CCSER1: variants seen among roughly 807,000 people sequenced by gnomAD.
The protein encoded by CCSER1 is serine-rich coiled-coil domain-containing protein 1.
CCSER1 carries 41 observed loss-of-function variants against 82.0 expected under a neutral mutation model. That is an observed-to-expected ratio of 0.50 (90% CI 0.39 to 0.65). The LOEUF (loss-of-function observed/expected upper bound fraction) is 0.65, where lower values mean the gene tolerates loss of function less well. Ranked by LOEUF, CCSER1 falls within the 30% of genes least tolerant of loss-of-function variation. CCSER1 has a pLI of 0.00. For missense variants in CCSER1, 1,119 were observed against 1,064.2 expected, an observed-to-expected ratio of 1.05 and a Z score of -0.72; for synonymous variants, 414 against 383.9, an observed-to-expected ratio of 1.08 and a Z score of -0.92.
intron 8 of CCSER1, among the ~76,000 whole-genome samples, chr4:90,903,188 A>G (rs1724923499): frequency 6.6e-6 from 1 of 152,200 alleles, no homozygotes; most frequent in African/African-American, 2.4e-5. Context: ...CTTGAATTGT[A>G]TCTCCCAGAA....
chr4:91,565,124 C>G (rs1478302393), intron 10 of CCSER1, among the ~76,000 whole-genome samples: 1 of 149,222 alleles, frequency 6.7e-6, no homozygotes, highest in Non-Finnish European at 1.5e-5. Context: ...ATATGGCTAG[C>G]CAGTTATCTC....
chr4:91,150,659 C>G (rs555786003), intron 10 of CCSER1, among the ~76,000 whole-genome samples: 41 of 152,248 alleles, frequency 2.7e-4, no homozygotes, highest in African/African-American at 8.4e-4. Context: ...TATGTCCCAT[C>G]AATACCTAAT....
intron 6 of CCSER1, among the ~76,000 whole-genome samples, chr4:90,664,369 A>T (rs571379042): frequency 1.3e-3 from 198 of 152,266 alleles, no homozygotes; most frequent in African/African-American, 4.6e-3. Context: ...TAATTTGTTA[A>T]TGTGTTCTCA....
At chr4:90,375,378 A>G (rs1329794422) in intron 3 of CCSER1, among the ~76,000 whole-genome samples, 1 of 152,146 alleles carries the variant, frequency 6.6e-6, no homozygotes. Flanking sequence ...AAAAAAGTAA[A>G]ATATAGCTAC....
chr4:91,271,014 A>T (rs1469593508), intron 10 of CCSER1, among the ~76,000 whole-genome samples: 2 of 152,168 alleles, frequency 1.3e-5, no homozygotes, highest in Non-Finnish European at 2.9e-5. Flanking sequence ...ACACTAACTT[A>T]TTCTTAAATA....
At chr4:90,773,613 A>G (rs1304455106) in intron 7 of CCSER1, among the ~76,000 whole-genome samples, 4 of 152,142 alleles carry the variant, frequency 2.6e-5, no homozygotes, top group Admixed American at 2.6e-4. Flanking sequence ...TATCCACCCT[A>G]AATTACATCT....
chr4:91,463,898 A>G (rs1399239856), intron 10 of CCSER1, among the ~76,000 whole-genome samples: 2 of 152,182 alleles, frequency 1.3e-5, no homozygotes, highest in Non-Finnish European at 2.9e-5. Context: ...TGAAAGTAAC[A>G]GGGAGAATGG....
chr4:90,817,050 T>C (rs895376656), intron 8 of CCSER1, among the ~76,000 whole-genome samples: 31 of 152,244 alleles, frequency 2.0e-4, no homozygotes, highest in African/African-American at 7.2e-4. Flanking sequence ...ATTACCAAAA[T>C]AACCTTTTAT....
At chr4:91,331,537 C>T (rs2149276810) in intron 10 of CCSER1, among the ~76,000 whole-genome samples, 1 of 152,226 alleles carries the variant, frequency 6.6e-6, no homozygotes. Flanking sequence ...TGACCTTACC[C>T]TCTTTACCTT....
intron 3 of CCSER1, among the ~76,000 whole-genome samples, chr4:90,381,911 A>C (rs1749270296): frequency 6.6e-6 from 1 of 152,072 alleles, no homozygotes; most frequent in African/African-American, 2.4e-5. Flanking sequence ...ATATTAATGA[A>C]TTTGAATTGA....
At chr4:90,413,900 G>A (rs1171746231) in intron 4 of CCSER1, among the ~76,000 whole-genome samples, 1 of 118,750 alleles carries the variant, frequency 8.4e-6, no homozygotes, top group Non-Finnish European at 1.6e-5. Flanking sequence ...AGTGAGCCAA[G>A]ATTGCGCCAC....
chr4:90,866,499 ATCT>A (rs1024454622), intron 8 of CCSER1, among the ~76,000 whole-genome samples: 13 of 152,034 alleles, frequency 8.6e-5, no homozygotes, highest in African/African-American at 3.1e-4. Context: ...CTAATTATTG[ATCT>A]TCTTCTACTT....
At chr4:90,444,227 A>G (rs757351093) in intron 4 of CCSER1, among the ~76,000 whole-genome samples, 1 of 152,112 alleles carries the variant, frequency 6.6e-6, no homozygotes, top group African/African-American at 2.4e-5. Flanking sequence ...AGCCAGGATC[A>G]ATCCATAACA....
rs1209384868 is a variant in CCSER1, at chr4:90,308,858, T to C, written c.574T>C (p.Ser192Pro). ...PKSFSSHYKF[S>P]KPVLQSQSIS... ...ATCTTTTTCATCTCACTATAAATTT[T>C]CTAAGCCAGTTCTACAGAGCCAATC... Residue 192 changes from serine (S) to proline (P), a missense_variant, in exon 2 of 11, where the codon TCT becomes CCT. Physicochemically the swap from Ser to Pro is moderately conservative, Grantham distance 74 (BLOSUM62 -1). Coordinates refer to ENST00000509176, the MANE Select transcript of CCSER1 (RefSeq NM_001145065.2). 1 of 1,613,886 alleles carries C rather than the reference T, an allele frequency of 6.2e-7. No homozygotes were observed.
At chr4:91,098,649 C>A (rs1484859457) in intron 10 of CCSER1, among the ~76,000 whole-genome samples, 2 of 151,748 alleles carry the variant, frequency 1.3e-5, no homozygotes, top group East Asian at 1.9e-4. Context: ...TCATGCCATT[C>A]TCCTGCCTCA....
At chr4:91,015,715 C>CA in intron 9 of CCSER1, among the ~76,000 whole-genome samples, 1 of 151,718 alleles carries the variant, frequency 6.6e-6, no homozygotes, top group African/African-American at 2.4e-5. Context: ...TTCTTTTACT[C>CA]AGAAAAAAAT....
chr4:90,851,657 C>T (rs865959865), intron 8 of CCSER1, among the ~76,000 whole-genome samples: 10 of 148,260 alleles, frequency 6.7e-5, no homozygotes, highest in African/African-American at 2.5e-4. Flanking sequence ...AAGAGGTGTA[C>T]AGAATGTGCT....
At position 91,604,807 on chromosome 4, in the gene CCSER1, C is replaced by A. The variant is rs976767363; in HGVS notation, c.*5750C>A. The A allele has an allele frequency of 6.6e-6, 1 of 151,918 alleles. No individual in the cohort carries two copies. The highest frequency in any genetic ancestry group is 1.5e-5 in the Non-Finnish European group (1 of 67,890). The allele number at this position is 151,918 out of a possible 1,614,324, so 9.4% of individuals were successfully genotyped here. On this transcript the variant is annotated 3_prime_UTR_variant, in exon 11 of 11. Coordinates refer to ENST00000509176, the MANE Select transcript of CCSER1 (RefSeq NM_001145065.2). Reference sequence around the variant, plus strand: ...AAGTGAAATGAGGAATACAAATTTACTTGTCCTAAATTTTTAAATAAAATG... The same window carrying A: ...AAGTGAAATGAGGAATACAAATTTAATTGTCCTAAATTTTTAAATAAAATG...
At position 91,544,721 on chromosome 4, in the gene CCSER1, A is replaced by G. The variant is rs577624123; in HGVS notation, c.2218-53851A>G. ...CTATGTGAGGTGTCAGTCTGCCCCTACTGGGGGGTGCCTCCCAGTTAGGCT... is the reference window on the plus strand; with the variant it reads ...CTATGTGAGGTGTCAGTCTGCCCCTGCTGGGGGGTGCCTCCCAGTTAGGCT... On this transcript the variant is annotated intron_variant, in intron 10 of 10. Coordinates refer to ENST00000509176, the MANE Select transcript of CCSER1 (RefSeq NM_001145065.2). Among the ~76,000 whole-genome samples, 81 of 152,100 alleles carry G rather than the reference A, an allele frequency of 5.3e-4. 1 individual carries two copies. Among genetic ancestry groups the G allele is most frequent in the Non-Finnish European group, 9.6e-4 (65 of 68,004 alleles).
Sources: allele counts gnomAD v4.1 joint callset (sites outside exome capture counted in the v4.1 genomes callset), GRCh38; gene constraint gnomAD v4.1.1; transcripts MANE v1.5; gene names NCBI Gene and HGNC (gene_info 2026-07-23, HGNC 2026-07-21).